Variants in KRABD5 observed in about 807,000 individuals in gnomAD.
KRABD5 encodes KRAB domain containing 5.
At chr16:31,757,979 A>T in the KRABD5 span, 1 of 152,190 alleles carries the variant, frequency 6.6e-6, no homozygotes, top group Admixed American at 6.6e-5. Flanking sequence ...AGATACATAG[A>T]TAGACGATTC....
chr16:31,753,789 G>A, the KRABD5 span: 2 of 1,521,546 alleles, frequency 1.3e-6, no homozygotes, highest in East Asian at 2.5e-5. Flanking sequence ...TGATACTCAA[G>A]GCCTCTTAAG....
the KRABD5 span, chr16:31,713,539 G>T: frequency 1.4e-6 from 2 of 1,459,316 alleles, no homozygotes; most frequent in Non-Finnish European, 1.8e-6. Context: ...CTGAGTCCCC[G>T]CGGACGCAAC....
At chr16:31,717,694 C>G in the KRABD5 span, among the ~76,000 whole-genome samples, 4 of 152,086 alleles carry the variant, frequency 2.6e-5, no homozygotes, top group South Asian at 8.3e-4. Flanking sequence ...AGTTTTCTTT[C>G]GTTTCTACCA....
chr16:31,749,499 T>C, the KRABD5 span, among the ~76,000 whole-genome samples: 1 of 152,338 alleles, frequency 6.6e-6, no homozygotes, highest in East Asian at 1.9e-4. Context: ...GCAGGTGCTC[T>C]GTAGGCTTAA....
chr16:31,730,697 G>C, the KRABD5 span, among the ~76,000 whole-genome samples: 1 of 151,636 alleles, frequency 6.6e-6, no homozygotes, highest in Admixed American at 6.6e-5. Context: ...TTCACTTTAT[G>C]ATATACTATA....
At chr16:31,730,678 G>A in the KRABD5 span, among the ~76,000 whole-genome samples, 3 of 151,756 alleles carry the variant, frequency 2.0e-5, no homozygotes, top group Non-Finnish European at 4.4e-5. Context: ...CCTAAAATAT[G>A]TATATTTGTT....
chr16:31,753,651 T>G, the KRABD5 span: 1 of 1,044,178 alleles, frequency 9.6e-7, no homozygotes, highest in East Asian at 2.7e-5. Flanking sequence ...GGCCTCAAGT[T>G]TTTGATTCAA....
At chr16:31,761,564 T>C in the KRABD5 span, 1 of 152,316 alleles carries the variant, frequency 6.6e-6, no homozygotes, top group East Asian at 1.9e-4. Flanking sequence ...ATTGATTTTC[T>C]ACTTTTCATT....
the KRABD5 span, chr16:31,757,434 C>G: frequency 6.6e-6 from 1 of 152,148 alleles, no homozygotes; most frequent in Non-Finnish European, 1.5e-5. Flanking sequence ...GCCTCACACT[C>G]CAGCCTGGGT....
chr16:31,723,431 A>C, the KRABD5 span: 2 of 1,411,142 alleles, frequency 1.4e-6, no homozygotes, highest in Non-Finnish European at 1.9e-6. Context: ...TGAAGTGTGG[A>C]TTGGGAAGTT....
chr16:31,729,989 A>T, the KRABD5 span, among the ~76,000 whole-genome samples: 2 of 152,110 alleles, frequency 1.3e-5, no homozygotes, highest in Non-Finnish European at 2.9e-5. Flanking sequence ...TTAACAAATT[A>T]TCATAGCTAT....
chr16:31,722,365 C>T, the KRABD5 span, among the ~76,000 whole-genome samples: 2 of 152,182 alleles, frequency 1.3e-5, no homozygotes, highest in Non-Finnish European at 2.9e-5. Context: ...CCGCGCCCGG[C>T]CTCGATGCCT....
the KRABD5 span, among the ~76,000 whole-genome samples, chr16:31,725,327 A>G: frequency 6.6e-6 from 1 of 152,182 alleles, no homozygotes; most frequent in Non-Finnish European, 1.5e-5. Context: ...CATGTTGGCC[A>G]GGCTGGTCTC....
chr16:31,741,640 C>A, the KRABD5 span, among the ~76,000 whole-genome samples: 1 of 152,122 alleles, frequency 6.6e-6, no homozygotes, highest in African/African-American at 2.4e-5. Context: ...CCTTTGCCCA[C>A]TTTTTAATGG....
chr16:31,729,868 A>G, the KRABD5 span, among the ~76,000 whole-genome samples: 1 of 151,990 alleles, frequency 6.6e-6, no homozygotes, highest in South Asian at 2.1e-4. Context: ...GCCTAGTTTA[A>G]GATGATAATT....
At chr16:31,716,555 T>G in the KRABD5 span, among the ~76,000 whole-genome samples, 1 of 152,218 alleles carries the variant, frequency 6.6e-6, no homozygotes, top group Non-Finnish European at 1.5e-5. Flanking sequence ...TTTGCAATTT[T>G]TGTAGAGACA....
chr16:31,723,231 G>T, the KRABD5 span: 1 of 1,605,358 alleles, frequency 6.2e-7, no homozygotes, highest in Non-Finnish European at 8.5e-7. Flanking sequence ...CCCAGCAAGA[G>T]TCATGTGACT....
At chr16:31,741,056 T>C in the KRABD5 span, among the ~76,000 whole-genome samples, 81 of 152,322 alleles carry the variant, frequency 5.3e-4, no homozygotes, top group Non-Finnish European at 7.6e-4. Context: ...TTCCCACTTA[T>C]AAGAACATGG....
At chr16:31,731,735 G>A in the KRABD5 span, among the ~76,000 whole-genome samples, 11 of 152,324 alleles carry the variant, frequency 7.2e-5, no homozygotes, top group Admixed American at 2.6e-4. Flanking sequence ...AGCTCCAGGG[G>A]CACAGATGTG....
Sources: allele counts gnomAD v4.1 joint callset (sites outside exome capture counted in the v4.1 genomes callset), GRCh38; gene constraint gnomAD v4.1.1; transcripts MANE v1.5; gene names NCBI Gene and HGNC (gene_info 2026-07-23, HGNC 2026-07-21).